TMEM61: variants seen among roughly 807,000 people sequenced by gnomAD.
The protein encoded by TMEM61 is transmembrane protein 61.
TMEM61 carries 13 observed loss-of-function variants against 12.0 expected under a neutral mutation model. The ratio of observed to expected loss-of-function variants is 1.08; its 90% CI spans 0.70 to 1.72. The LOEUF is 1.72. Among genes scored for constraint, TMEM61 ranks in the 40% most tolerant of loss-of-function variants. The pLI is 0.00. For synonymous variants in TMEM61, 109 were observed against 121.4 expected (o/e 0.90, Z 0.67); for missense variants, 249 against 276.9 (o/e 0.90, Z 0.71).
At chr1:54,981,684 G>A (rs1382618002) in intron 1 of TMEM61, among the ~76,000 whole-genome samples, 3 of 152,304 alleles carry the variant, frequency 2.0e-5, no homozygotes, top group African/African-American at 4.8e-5. Context: ...ATGGCATGGC[G>A]TTCCATCCTG....
intron 1 of TMEM61, among the ~76,000 whole-genome samples, chr1:54,983,131 T>TTTTTTTTG (rs1644235283): frequency 6.8e-6 from 1 of 146,904 alleles, no homozygotes; most frequent in East Asian, 2.0e-4. Context: ...TGTTTTTTTT[T>TTTTTTTTG]GAGAAAGAGT....
intron 1 of TMEM61, among the ~76,000 whole-genome samples, chr1:54,984,403 A>C (rs1001896181): frequency 6.6e-6 from 1 of 152,176 alleles, no homozygotes; most frequent in East Asian, 1.9e-4. Context: ...GGCCCGGGGC[A>C]GGTGAGAGGC....
chr1:54,981,967 G>A (rs532989960), intron 1 of TMEM61, among the ~76,000 whole-genome samples: 1 of 84,562 alleles, frequency 1.2e-5, no homozygotes. Flanking sequence ...TGGTATTATT[G>A]TGCCCATTTA....
At chr1:54,986,626 G>A (rs1235846147) in intron 2 of TMEM61, among the ~76,000 whole-genome samples, 180 bp downstream of exon 2, 4 of 152,138 alleles carry the variant, frequency 2.6e-5, no homozygotes, top group Non-Finnish European at 4.4e-5. Flanking sequence ...GGAGTTTAAA[G>A]CCCCATGACA....
intron 1 of TMEM61, among the ~76,000 whole-genome samples, chr1:54,984,240 T>G (rs1644243648): frequency 6.6e-6 from 1 of 152,196 alleles, no homozygotes; most frequent in Admixed American, 6.5e-5. Context: ...AAGCCCCACT[T>G]GGAAGGGATT....
At chr1:54,981,378 G>A (rs1405836950) in intron 1 of TMEM61, among the ~76,000 whole-genome samples, 1 of 152,222 alleles carries the variant, frequency 6.6e-6, no homozygotes, top group African/African-American at 2.4e-5. Context: ...AGCACTTTGG[G>A]AGGCCGAGGC....
intron 1 of TMEM61, among the ~76,000 whole-genome samples, chr1:54,981,426 T>C (rs1214128776): frequency 6.6e-6 from 1 of 152,176 alleles, no homozygotes. Flanking sequence ...GAGACCAGCC[T>C]GGGCAACATG....
intron 1 of TMEM61, among the ~76,000 whole-genome samples, chr1:54,982,738 A>G (rs560492834): frequency 2.0e-5 from 3 of 152,336 alleles, no homozygotes; most frequent in South Asian, 4.1e-4. Context: ...ATATTAAAAA[A>G]TACTGATAGA....
chr1:54,991,509 T>C (rs533395763), intron 2 of TMEM61, among the ~76,000 whole-genome samples: 37 of 152,248 alleles, frequency 2.4e-4, no homozygotes, highest in African/African-American at 7.7e-4. Context: ...GAAACACCCA[T>C]AAGCAGCTAC....
rs72907636 is a variant in TMEM61, at chr1:54,988,409, C to T, written c.365+1963C>T. On this transcript the variant is annotated intron_variant, in intron 2 of 2. Transcript: ENST00000371268. ...AGGTCACAGGGTGATCGTAGCCCAT[C>T]GAGCTCCAAGACCCCAGTCGTAGAC... Among the ~76,000 whole-genome samples the T allele has an allele frequency of 2.0e-3, 309 of 152,366 alleles. 2 individuals carry two copies. The highest frequency in any genetic ancestry group is 7.3e-3 in the African/African-American group (302 of 41,590).
intron 1 of TMEM61, among the ~76,000 whole-genome samples, chr1:54,984,084 A>G (rs113462737): frequency 1.3e-5 from 2 of 152,182 alleles, no homozygotes; most frequent in African/African-American, 4.8e-5. Flanking sequence ...GTGTTTTTAA[A>G]CACATTTGGT....
rs1644302200 is a variant in TMEM61 at position 54,991,934 on chromosome 1, C to G, written c.464C>G (p.Ala155Gly). Residue 155 changes from alanine (A) to glycine (G), a missense_variant, in exon 3 of 3, where the codon GCC becomes GGC. Coordinates refer to ENST00000371268, the MANE Select transcript of TMEM61 (RefSeq NM_182532.3). The stretch of plus-strand genomic sequence containing the variant: ...CCACCTGCATACCCTACGGAGGAAG[C>G]CCTGGAGCCAAGTGGATCGAGGGAT... Reference protein sequence around the residue: ...PTPPAYPTEEALEPSGSRDAL... With the variant: ...PTPPAYPTEEGLEPSGSRDAL... 2 of 1,614,200 alleles carry G rather than the reference C, an allele frequency of 1.2e-6. No homozygotes were observed. Among genetic ancestry groups the G allele is most frequent in the East Asian group, 2.2e-5 (1 of 44,886 alleles).
chr1:54,991,859 C>A lies in TMEM61; in HGVS notation c.389C>A (p.Pro130His), dbSNP rs766261829. The A allele has an allele frequency of 6.8e-6, 11 of 1,613,962 alleles. No homozygotes were observed. The East Asian group carries it at 2.5e-4, about 36-fold the overall frequency. Residue 130 changes from proline to histidine, a missense_variant, in exon 3 of 3, where the codon CCC becomes CAC. Coordinates refer to ENST00000371268, the MANE Select transcript of TMEM61 (RefSeq NM_182532.3). ...SCRTPKVVDIPTYEEAVSFPV... is the reference protein window; with the variant it reads ...SCRTPKVVDIHTYEEAVSFPV... ...AGGACCCCCAAAGTGGTTGACATCC[C>A]CACTTACGAGGAAGCCGTGAGCTTC...
chr1:54,986,476 G>A, intron 2 of TMEM61, 30 bp downstream of exon 2: 1 of 1,512,140 alleles, frequency 6.6e-7, no homozygotes, highest in Non-Finnish European at 8.9e-7. Flanking sequence ...GCAGCGGGTG[G>A]GGACTGCAGG....
At chr1:54,987,551 A>G (rs1166613213) in intron 2 of TMEM61, among the ~76,000 whole-genome samples, 10 of 152,168 alleles carry the variant, frequency 6.6e-5, no homozygotes, top group Non-Finnish European at 1.3e-4. Flanking sequence ...CCAAGAACCA[A>G]TGTGTGTCCT....
chr1:54,980,802 G>C lies in TMEM61; in HGVS notation c.-264G>C, dbSNP rs1369250019. 5 of 374,716 alleles carry C rather than the reference G, an allele frequency of 1.3e-5. No individual in the cohort carries two copies. The highest frequency in any genetic ancestry group is 1.9e-5 in the Non-Finnish European group (4 of 211,190). The allele number at this position is 374,716 out of a possible 1,614,324, so 23.2% of individuals were successfully genotyped here. On this transcript the variant is annotated 5_prime_UTR_variant, in exon 1 of 3. Transcript: ENST00000371268. ...CGGGCGCCGGGGTGAGGCCTGGCTC[G>C]GTCCCTGCGCACCGGGTGCGGGCGG... is the stretch of plus-strand genomic sequence containing the variant.
chr1:54,986,119 C>A lies in TMEM61; in HGVS notation c.38C>A (p.Ala13Asp). 5.6e-6 allele frequency: 9 copies of A among 1,594,798 alleles called. No homozygotes were observed. Among genetic ancestry groups the A allele is most frequent in the Non-Finnish European group, 7.7e-6 (9 of 1,166,886 alleles). ...LPQMCDGSHL[A>D]STLRYCMTVS... ...CAGATGTGTGACGGGAGCCACTTGG[C>A]CTCCACCCTCCGCTATTGCATGACA... Residue 13 changes from alanine (A) to aspartate (D), a missense_variant, in exon 2 of 3, where the codon GCC (alanine) becomes GAC (aspartate). Transcript: ENST00000371268.
chr1:54,986,028 A>C, intron 1 of TMEM61, 69 bp from the exon 2 acceptor site: 2 of 1,386,610 alleles, frequency 1.4e-6, no homozygotes, highest in South Asian at 2.8e-5. Flanking sequence ...CAGGCAAAGG[A>C]ATTAACACCT....
chr1:54,984,816 G>C (rs1644247119), intron 1 of TMEM61, among the ~76,000 whole-genome samples: 2 of 152,186 alleles, frequency 1.3e-5, no homozygotes, highest in African/African-American at 4.8e-5. Context: ...GCTGAGCCTT[G>C]AGGGGAGCTA....
Sources: allele counts gnomAD v4.1 joint callset (sites outside exome capture counted in the v4.1 genomes callset), GRCh38; gene constraint gnomAD v4.1.1; transcripts MANE v1.5; gene names NCBI Gene and HGNC (gene_info 2026-07-23, HGNC 2026-07-21).